Variants in MGST2 observed in about 807,000 individuals in gnomAD.
The protein encoded by MGST2 is microsomal glutathione S-transferase 2.
A neutral mutation model predicts 16.6 loss-of-function variants in MGST2; 9 were observed. The observed-to-expected ratio is 0.54, with a 90% CI of 0.33 to 0.95. The LOEUF (loss-of-function observed/expected upper bound fraction) is 0.95, where lower values mean the gene tolerates loss of function less well. MGST2 is among the 40% of genes least tolerant of loss of function. The probability of loss-of-function intolerance (pLI) is 0.03; values close to 1 mark genes in which losing one functional copy is unlikely to be tolerated. For missense variants in MGST2, 159 were observed against 175.1 expected (o/e 0.91, Z 0.52); for synonymous variants, 79 against 68.0 (o/e 1.16, Z -0.79).
intron 3 of MGST2, 132 bp from the exon 4 acceptor site, chr4:139,703,323 C>G: frequency 2.6e-6 from 2 of 768,004 alleles, no homozygotes; most frequent in East Asian, 5.3e-5. Context: ...TATGTGGATT[C>G]TCTCTATATT....
At chr4:139,754,455 C>T in the MGST2 span, among the ~76,000 whole-genome samples, 2 of 152,216 alleles carry the variant, frequency 1.3e-5, no homozygotes, top group African/African-American at 2.4e-5. Flanking sequence ...CTGCATGTTA[C>T]TCCATTGTAT....
chr4:139,678,460 A>G, intron 1 of MGST2, 83 bp from the exon 2 acceptor site: 1 of 965,120 alleles, frequency 1.0e-6, no homozygotes, highest in Non-Finnish European at 1.7e-6. Context: ...ATGTAGTACT[A>G]TCTAATTGTG....
intron 5 of MGST2, among the ~76,000 whole-genome samples, chr4:139,709,691 G>A (rs978504897): frequency 3.0e-4 from 45 of 152,326 alleles, no homozygotes; most frequent in African/African-American, 1.1e-3. Context: ...AAGAGTTAAA[G>A]GATCTGAAGA....
At chr4:139,729,345 C>T (rs922906905) in intron 5 of MGST2, among the ~76,000 whole-genome samples, 4 of 151,974 alleles carry the variant, frequency 2.6e-5, no homozygotes, top group East Asian at 3.9e-4. Context: ...TCTGGCAGGG[C>T]GTGGTGGCTC....
chr4:139,666,147 GGAGA>G (rs1730339720), intron 1 of MGST2, 70 bp downstream of exon 1: 34 of 1,472,844 alleles, frequency 2.3e-5, no homozygotes, highest in South Asian at 1.5e-4. Flanking sequence ...AAGGCTTGCG[GGAGA>G]GAGAGGGAGG....
chr4:139,700,352 C>T (rs1291607636), intron 3 of MGST2, among the ~76,000 whole-genome samples: 2 of 151,840 alleles, frequency 1.3e-5, no homozygotes, highest in African/African-American at 4.8e-5. Context: ...AGGATGGTCT[C>T]GATCTCCTGA....
rs139890804 is a variant in MGST2, at chr4:139,704,041, G to C, written c.337G>C (p.Gly113Arg). ...GATCACCGGTTTCCGACTGAGTCTG[G>C]GGATTTTGGCCTTGTTGACCCTCCT... is the stretch of plus-strand genomic sequence containing the variant. ...KRITGFRLSL[G>R]ILALLTLLGA... Residue 113 changes from glycine to arginine, a missense_variant, in exon 5 of 5, where the codon GGG (glycine) becomes CGG (arginine). Transcript: ENST00000265498. 12 of 1,613,954 alleles carry C rather than the reference G, an allele frequency of 7.4e-6. No individual in the cohort carries two copies. In the African/African-American group the frequency reaches 1.6e-4, roughly 22 times the overall value.
chr4:139,696,290 C>A (rs1325065337), intron 3 of MGST2, among the ~76,000 whole-genome samples: 1 of 152,160 alleles, frequency 6.6e-6, no homozygotes, highest in East Asian at 1.9e-4. Flanking sequence ...TCATTTCTGA[C>A]GTTTTTGCTT....
chr4:139,672,135 G>C (rs1730726172), intron 1 of MGST2, among the ~76,000 whole-genome samples: 1 of 152,158 alleles, frequency 6.6e-6, no homozygotes, highest in African/African-American at 2.4e-5. Flanking sequence ...ACACTTGCTA[G>C]TGTCACAAAC....
chr4:139,744,588 A>G (rs1306831633), downstream of MGST2, among the ~76,000 whole-genome samples: 5 of 152,284 alleles, frequency 3.3e-5, no homozygotes, highest in East Asian at 7.7e-4. Flanking sequence ...TTTCAATTTG[A>G]ATATGCATCC....
intron 2 of MGST2, among the ~76,000 whole-genome samples, chr4:139,686,821 A>G (rs1244862092): frequency 6.6e-6 from 1 of 152,232 alleles, no homozygotes. Context: ...TATGCTATTT[A>G]TAAAAATCAT....
At chr4:139,731,459 A>T (rs1271927672) in intron 5 of MGST2, 2 of 169,160 alleles carry the variant, frequency 1.2e-5, no homozygotes, top group African/African-American at 2.4e-5. Flanking sequence ...AAAAAAAAAA[A>T]AAAAAAAAAT....
downstream of MGST2, among the ~76,000 whole-genome samples, chr4:139,741,268 G>A (rs537610788): frequency 2.8e-4 from 42 of 152,300 alleles, no homozygotes; most frequent in Admixed American, 9.8e-4. Flanking sequence ...GCAAGTCTAG[G>A]AGAAGGGCTC....
At chr4:139,667,141 G>A (rs912418683) in intron 1 of MGST2, among the ~76,000 whole-genome samples, 6 of 151,250 alleles carry the variant, frequency 4.0e-5, no homozygotes, top group African/African-American at 1.2e-4. Flanking sequence ...ACCGGAATAG[G>A]TTCAGAGAGA....
At chr4:139,746,205 T>C in the MGST2 span, among the ~76,000 whole-genome samples, 156 of 152,362 alleles carry the variant, frequency 1.0e-3, no homozygotes, top group African/African-American at 3.3e-3. Flanking sequence ...TGGTATGTTA[T>C]ATTTTTGTAA....
At chr4:139,704,960 A>G (rs147184371), downstream of MGST2, among the ~76,000 whole-genome samples, 1 of 152,296 alleles carries the variant, frequency 6.6e-6, no homozygotes, top group East Asian at 1.9e-4. Context: ...GATTATAAAA[A>G]TGTACTTTAT....
chr4:139,713,474 AG>A (rs202020571), intron 5 of MGST2, among the ~76,000 whole-genome samples: 84,378 of 106,818 alleles, frequency 0.79, 36,752 homozygotes, highest in East Asian at 0.86. Context: ...GTGGCAAGAC[AG>A]AAAAAAAAAA....
the MGST2 span, among the ~76,000 whole-genome samples, chr4:139,748,772 G>GT: frequency 7.0e-6 from 1 of 142,854 alleles, no homozygotes; most frequent in South Asian, 2.2e-4. Context: ...AAGCTCCGAG[G>GT]TTTTGAACAG....
At chr4:139,693,420 A>AG (rs1726733111) in intron 2 of MGST2, among the ~76,000 whole-genome samples, 3 of 151,462 alleles carry the variant, frequency 2.0e-5, no homozygotes, top group Admixed American at 6.6e-5. Flanking sequence ...AAAAAAAAAA[A>AG]AAAAGAAATT....
Sources: gnomAD v4.1 joint callset for allele counts (sites outside exome capture counted in the v4.1 genomes callset) on GRCh38, gnomAD v4.1.1 for gene constraint, MANE v1.5 for transcripts, NCBI Gene and HGNC (gene_info 2026-07-23, HGNC 2026-07-21) for gene names.